Variants in KCNC3 observed in about 807,000 individuals in gnomAD.
KCNC3 encodes voltage-gated potassium channel KCNC3.
KCNC3 carries 22 observed loss-of-function variants against 43.9 expected under a neutral mutation model. That is an observed-to-expected ratio of 0.50 (90% confidence interval 0.36 to 0.72). The LOEUF (loss-of-function observed/expected upper bound fraction) is 0.72, where lower values mean the gene tolerates loss of function less well. Ranked by LOEUF, KCNC3 falls within the 30% of genes least tolerant of loss-of-function variation. The pLI is 0.00. For synonymous variants in KCNC3, 492 were observed against 488.0 expected, an observed-to-expected ratio of 1.01 and a Z score of -0.11; for missense variants, 829 against 1,073.8, an observed-to-expected ratio of 0.77 and a Z score of 3.19.
rs748454454 is a variant in KCNC3, at chr19:50,328,639, G to C, written c.444C>G (p.Leu148=). 1 of 1,611,570 alleles carries C rather than the reference G, an allele frequency of 6.2e-7. No individual in the cohort carries two copies. The highest frequency in any genetic ancestry group is 8.5e-7 in the Non-Finnish European group (1 of 1,179,420). ...DRHPGVFAYV[L]NYYRTGKLHC... ...GCAGCTTGCCGGTGCGGTAGTAGTTGAGCACGTACGCGAAGACTCCCGGGT... is the reference window on the plus strand; with the variant it reads ...GCAGCTTGCCGGTGCGGTAGTAGTTCAGCACGTACGCGAAGACTCCCGGGT... The change falls in exon 1 of 5, where the codon CTC becomes CTG. Residue 148 remains leucine (L), a synonymous_variant. Coordinates refer to ENST00000477616, the MANE Select transcript of KCNC3 (RefSeq NM_004977.3).
At position 50,323,206 on chromosome 19, in the gene KCNC3, G is replaced by C. The variant is rs779708839; in HGVS notation, c.1747C>G (p.Pro583Ala). ...NYCKPDPPPPPPPHPHHGSGG... is the reference protein window; with the variant it reads ...NYCKPDPPPPAPPHPHHGSGG... ...CTGCCGTGGTGCGGGTGGGGCGGGG[G>C]TGGCGGGGGTGGGTCAGGCTTGCAG... is the stretch of plus-strand genomic sequence containing the variant. Residue 583 changes from proline (P) to alanine (A), a missense_variant, in exon 2 of 5, where the codon CCC becomes GCC. Physicochemically the swap from Pro to Ala is conservative, Grantham distance 27. Around this residue, in one of 7 missense-constraint regions of KCNC3, gnomAD observed 308 missense variants for 276.2 expected, o/e 1.11. Coordinates refer to ENST00000477616, the MANE Select transcript of KCNC3 (RefSeq NM_004977.3). 1.3e-6 allele frequency: 2 copies of C among 1,524,574 alleles called. No homozygotes were observed. The highest frequency in any genetic ancestry group is 1.8e-6 in the Non-Finnish European group (2 of 1,137,052). The allele number at this position is 1,524,574 out of a possible 1,614,324, so 94.4% of individuals were successfully genotyped here.
chr19:50,327,791 G>T (rs2037123733), intron 1 of KCNC3, among the ~76,000 whole-genome samples: 1 of 151,978 alleles, frequency 6.6e-6, no homozygotes, highest in Admixed American at 6.5e-5. Flanking sequence ...GAAACCAAGG[G>T]CTGGACGGTG....
At chr19:50,331,106 T>A (rs1399564754), upstream of KCNC3, among the ~76,000 whole-genome samples, 1 of 150,428 alleles carries the variant, frequency 6.6e-6, no homozygotes, top group Non-Finnish European at 1.5e-5. Flanking sequence ...TTCTCCCTTC[T>A]TGAGTATTTG....
At chr19:50,325,245 G>A (rs1259748614) in intron 1 of KCNC3, among the ~76,000 whole-genome samples, 1 of 152,138 alleles carries the variant, frequency 6.6e-6, no homozygotes, top group African/African-American at 2.4e-5. Flanking sequence ...GAGGGGAGAG[G>A]AGTGCATTGG....
intron 4 of KCNC3, among the ~76,000 whole-genome samples, chr19:50,318,540 G>A (rs1221137742): frequency 1.3e-5 from 2 of 152,182 alleles, no homozygotes; most frequent in Non-Finnish European, 2.9e-5. Context: ...TAAAAGGCCA[G>A]ATAGTAAATC....
chr19:50,315,087 C>A lies in KCNC3; in HGVS notation c.*1028G>T, dbSNP rs760462314. On this transcript the variant is annotated 3_prime_UTR_variant, in exon 5 of 5. Coordinates refer to ENST00000477616, the MANE Select transcript of KCNC3 (RefSeq NM_004977.3). ...GAGACCCAAGGCAGGGAGAAAGAGA[C>A]AGAGAGAGAAAGAAATGGAAGGGGA... is the stretch of plus-strand genomic sequence containing the variant. 1.4e-4 allele frequency: 27 copies of A among 187,232 alleles called. No individual in the cohort carries two copies. The highest frequency in any genetic ancestry group is 5.9e-4 in the Admixed American group (10 of 17,086). 11.6% of individuals were successfully genotyped at this position (187,232 alleles called of 1,614,324 possible).
chr19:50,328,964 TGC>T lies in KCNC3; in HGVS notation c.117_118del (p.Gln40AlafsTer60). The T allele has an allele frequency of 1.0e-6, 1 of 961,716 alleles. No individual in the cohort carries two copies. The highest frequency in any genetic ancestry group is 1.3e-6 in the Non-Finnish European group (1 of 770,586). The allele number at this position is 961,716 out of a possible 1,614,324, so 59.6% of individuals were successfully genotyped here. The stretch of plus-strand genomic sequence containing the variant: ...GGGGCCGGGCTGCGCAGGCTGCTGC[TGC>T]TGCGGCGGCAGCGGTGGCGGCGGCG... On this transcript the variant is annotated frameshift_variant, in exon 1 of 5. Coordinates refer to ENST00000477616, the MANE Select transcript of KCNC3 (RefSeq NM_004977.3). LOFTEE classifies it high-confidence loss of function.
chr19:50,320,883 G>T (rs1461864539), intron 2 of KCNC3, 99 bp from the exon 3 acceptor site: 1 of 1,186,202 alleles, frequency 8.4e-7, no homozygotes, highest in South Asian at 1.3e-5. Flanking sequence ...ATGCTGGGAT[G>T]GTCGGCGGAT....
intron 1 of KCNC3, among the ~76,000 whole-genome samples, chr19:50,325,960 T>G (rs2037100019): frequency 1.3e-5 from 2 of 152,216 alleles, no homozygotes; most frequent in African/African-American, 4.8e-5. Flanking sequence ...CTGCAGAGGC[T>G]GGACGGCGTC....
rs1272182660 is a variant in KCNC3 at position 50,312,018 on chromosome 19, G to A, written c.*4097C>T. ...GGGCATGACACTTTTTCTTTGGGGAGAGGGGGGTGACATGCGGCAGCTTCT... is the reference window on the plus strand; with the variant it reads ...GGGCATGACACTTTTTCTTTGGGGAAAGGGGGGTGACATGCGGCAGCTTCT... On this transcript the variant is annotated 3_prime_UTR_variant, in exon 5 of 5. Transcript: ENST00000477616. 1 of 152,026 alleles carries A rather than the reference G, an allele frequency of 6.6e-6. No individual in the cohort carries two copies. The highest frequency in any genetic ancestry group is 1.9e-4 in the East Asian group (1 of 5,174). 9.4% of individuals were successfully genotyped at this position (152,026 alleles called of 1,614,324 possible). A position where few individuals can be genotyped will look rare whatever the true frequency, so the allele number is the denominator to read the frequency against.
chr19:50,323,153 G>A lies in KCNC3; in HGVS notation c.1800C>T (p.Ile600=), dbSNP rs763849191. 3.1e-5 allele frequency: 47 copies of A among 1,533,532 alleles called. No homozygotes were observed. The highest frequency in any genetic ancestry group is 3.9e-5 in the Non-Finnish European group (45 of 1,144,196). The allele number at this position is 1,533,532 out of a possible 1,614,324, so 95.0% of individuals were successfully genotyped here. A position where few individuals can be genotyped will look rare whatever the true frequency, so the allele number is the denominator to read the frequency against. Residue 600 remains isoleucine (I), a synonymous_variant, in exon 2 of 5, where the codon ATC becomes ATT. Transcript: ENST00000477616. ...CAGTCACCCCCATGGAGGGTGGGGTGATGGGTGGCGGCGGGCTGATGCCCC... is the reference window on the plus strand; with the variant it reads ...CAGTCACCCCCATGGAGGGTGGGGTAATGGGTGGCGGCGGGCTGATGCCCC... The part of the protein sequence containing the change: ...GSGGISPPPP[I]TPPSMGVTVA...
At position 50,328,984 on chromosome 19, in the gene KCNC3, C is replaced by G. The variant is rs2037145179; in HGVS notation, c.99G>C (p.Pro33=). 3.6e-6 allele frequency: 4 copies of G among 1,097,180 alleles called. No homozygotes were observed. Among genetic ancestry groups the G allele is most frequent in the Non-Finnish European group, 4.6e-6 (4 of 868,740 alleles). 68.0% of individuals were successfully genotyped at this position (1,097,180 alleles called of 1,614,324 possible). A position where few individuals can be genotyped will look rare whatever the true frequency, so the allele number is the denominator to read the frequency against. ...GCTGCTGCTGCGGCGGCAGCGGTGG[C>G]GGCGGCGGGGACTCGGGCGGCTGCG... ...PPPQPPESPP[P]PPLPPQQQQP... The change falls in exon 1 of 5, where the codon CCG becomes CCC. Residue 33 remains proline, a synonymous_variant. Coordinates refer to ENST00000477616, the MANE Select transcript of KCNC3 (RefSeq NM_004977.3).
intron 4 of KCNC3, 100 bp from the exon 5 acceptor site, chr19:50,316,191 C>T (rs2036951188): frequency 2.8e-6 from 1 of 351,610 alleles, no homozygotes; most frequent in Non-Finnish European, 5.4e-6. Context: ...GAAACGCCGC[C>T]GGGATCATTT....
In KCNC3 at chr19:50,320,210, G is replaced by A. The variant is rs2037009104; in HGVS notation, c.*23+13C>T. 1 of 305,300 alleles carries A rather than the reference G, an allele frequency of 3.3e-6. No individual in the cohort carries two copies. The highest frequency in any genetic ancestry group is 6.0e-5 in the East Asian group (1 of 16,756). The allele number at this position is 305,300 out of a possible 1,614,324, so 18.9% of individuals were successfully genotyped here. On this transcript the variant is annotated intron_variant, in intron 4 of 4. Coordinates refer to ENST00000477616, the MANE Select transcript of KCNC3 (RefSeq NM_004977.3). ...CTGGGGGTCCGGGGGATCAGAGGGT[G>A]GGGGCTACTTACCCCGGGGGGAGGG...
chr19:50,318,398 C>A (rs936300728), intron 4 of KCNC3, among the ~76,000 whole-genome samples: 3 of 151,712 alleles, frequency 2.0e-5, no homozygotes, highest in African/African-American at 7.3e-5. Context: ...TGGTCTCGAA[C>A]TCCTGACCTC....
At position 50,323,944 on chromosome 19, in the gene KCNC3, T is replaced by C; in HGVS notation, c.1009A>G (p.Ile337Val). The C allele has an allele frequency of 1.2e-6, 2 of 1,614,162 alleles. No individual in the cohort carries two copies. Among genetic ancestry groups the C allele is most frequent in the Non-Finnish European group, 1.7e-6 (2 of 1,180,006 alleles). Residue 337 changes from isoleucine to valine, a missense_variant, in exon 2 of 5, where the codon ATC becomes GTC. By Grantham distance (29) the Ile-to-Val change is conservative. Coordinates refer to ENST00000477616, the MANE Select transcript of KCNC3 (RefSeq NM_004977.3). ...SPIPGAPPEN[I>V]TNVEVETEPF... ...TCCGTCTCCACCTCCACGTTGGTGA[T>C]GTTCTCCGGAGGTGCCCCGGGGATC...
chr19:50,312,130 T>G lies in KCNC3; in HGVS notation c.*3985A>C, dbSNP rs963732275. On this transcript the variant is annotated 3_prime_UTR_variant, in exon 5 of 5. Transcript: ENST00000477616. The stretch of plus-strand genomic sequence containing the variant: ...GACCCCTCCCTCCCTGCCCTGCGGG[T>G]GGGCTGAGAAGACCCGCCATTAGCA... 1 of 150,232 alleles carries G rather than the reference T, an allele frequency of 6.7e-6. No individual in the cohort carries two copies. The highest frequency in any genetic ancestry group is 2.4e-5 in the African/African-American group (1 of 40,836). The allele number at this position is 150,232 out of a possible 1,614,324, so 9.3% of individuals were successfully genotyped here.
chr19:50,325,699 G>T (rs1269195792), intron 1 of KCNC3, among the ~76,000 whole-genome samples: 1 of 152,000 alleles, frequency 6.6e-6, no homozygotes, highest in Non-Finnish European at 1.5e-5. Context: ...CGCTAGCTGC[G>T]GCACCGCAGT....
chr19:50,316,383 G>A (rs1445889863), intron 4 of KCNC3, among the ~76,000 whole-genome samples: 1 of 151,952 alleles, frequency 6.6e-6, no homozygotes, highest in African/African-American at 2.4e-5. Context: ...GTAGGAGGGA[G>A]GAGCAGGGGT....
Sources: gnomAD v4.1 joint callset for allele counts (sites outside exome capture counted in the v4.1 genomes callset) on GRCh38, gnomAD v4.1.1 for gene constraint, gnomAD v4.1.1 regional missense constraint, MANE v1.5 for transcripts, NCBI Gene and HGNC (gene_info 2026-07-23, HGNC 2026-07-21) for gene names.